The following TBCE variants were observed in gnomAD, a reference collection of about 807,000 sequenced individuals.
The protein encoded by TBCE is tubulin folding cofactor E.
In TBCE, 53 loss-of-function variants were observed where a neutral mutation model predicts 77.0. The observed-to-expected ratio is 0.69, with a 90% CI of 0.55 to 0.87. The LOEUF (loss-of-function observed/expected upper bound fraction) is 0.87, where lower values mean the gene tolerates loss of function less well. TBCE is among the 40% of genes least tolerant of loss of function. The pLI is 0.00. For synonymous variants in TBCE, 235 were observed against 241.3 expected, an observed-to-expected ratio of 0.97 and a Z score of 0.24; for missense variants, 624 against 622.4, an observed-to-expected ratio of 1.00 and a Z score of -0.03.
Position 235,441,826 on chromosome 1 carries a change from C to T in TBCE, c.1283C>T (p.Pro428Leu), listed in dbSNP as rs1681897952. Residue 428 changes from proline to leucine, a missense_variant, in exon 14 of 17, where the codon CCT becomes CTT. Pro to Leu is a moderately conservative substitution (Grantham distance 98, BLOSUM62 -3). Coordinates refer to ENST00000642610, the MANE Select transcript of TBCE (RefSeq NM_003193.5). Reference sequence around the variant, plus strand: ...CTTTCTTAAACAGAATATGGTGCACCTGAAGATTGGGAACTCAAAACACAG... The same window carrying T: ...CTTTCTTAAACAGAATATGGTGCACTTGAAGATTGGGAACTCAAAACACAG... ...YQFLCLKYGA[P>L]EDWELKTQQP... The T allele has an allele frequency of 8.1e-6, 13 of 1,613,832 alleles. No homozygotes were observed. Among genetic ancestry groups the T allele is most frequent in the Non-Finnish European group, 1.1e-5 (13 of 1,179,918 alleles).
At position 235,437,420 on chromosome 1, in the gene TBCE, G is replaced by T. The variant is rs769872412; in HGVS notation, c.1062G>T (p.Ala354=). ...LTKEDKEAET[A]RLLIIASIGQ... Reference sequence around the variant, plus strand: ...AAGAGGACAAAGAAGCAGAGACGGCGCGACTACTCATTATCGCCAGCATTG... The same window carrying T: ...AAGAGGACAAAGAAGCAGAGACGGCTCGACTACTCATTATCGCCAGCATTG... The change falls in exon 12 of 17, where the codon GCG becomes GCT. Residue 354 remains alanine, a synonymous_variant. Transcript: ENST00000642610. The T allele has an allele frequency of 8.1e-6, 13 of 1,614,140 alleles. No homozygotes were observed. Among genetic ancestry groups the T allele is most frequent in the Non-Finnish European group, 1.1e-5 (13 of 1,180,040 alleles).
chr1:235,424,003 C>G (rs193170712), intron 5 of TBCE, among the ~76,000 whole-genome samples: 8 of 152,322 alleles, frequency 5.3e-5, no homozygotes, highest in Admixed American at 5.2e-4. Context: ...TATTTCCTTT[C>G]TAACCAATGC....
At chr1:235,435,352 C>T (rs189311093) in intron 8 of TBCE, among the ~76,000 whole-genome samples, 4 of 152,244 alleles carry the variant, frequency 2.6e-5, no homozygotes, top group Admixed American at 2.0e-4. Context: ...CCACCCGCCT[C>T]GGCCTCCCGA....
chr1:235,419,940 C>A (rs957744387), intron 5 of TBCE, among the ~76,000 whole-genome samples: 1 of 152,150 alleles, frequency 6.6e-6, no homozygotes, highest in East Asian at 1.9e-4. Context: ...CAAAAATTAG[C>A]CGGGTGTGGT....
Position 235,451,996 on chromosome 1 carries a change from C to G in TBCE, c.*3234C>G, listed in dbSNP as rs750881055. ...TGAAGGATCCTTAGACTGCCACACT[C>G]AATCAGTGGATTCTGTCGTTCAGTT... On this transcript the variant is annotated 3_prime_UTR_variant, in exon 17 of 17. Transcript: ENST00000642610. 1.4e-5 allele frequency: 2 copies of G among 147,074 alleles called. No individual in the cohort carries two copies. Among genetic ancestry groups the G allele is most frequent in the Middle Eastern group, 3.4e-3 (1 of 292 alleles). 9.1% of individuals were successfully genotyped at this position (147,074 alleles called of 1,614,324 possible).
At chr1:235,402,937 T>G (rs1386898242) in intron 3 of TBCE, among the ~76,000 whole-genome samples, 1 of 152,132 alleles carries the variant, frequency 6.6e-6, no homozygotes, top group Non-Finnish European at 1.5e-5. Context: ...GCCCCACTTT[T>G]AACAGTCTTT....
chr1:235,441,650 T>C (rs1681884590), intron 13 of TBCE, 164 bp from the exon 14 acceptor site: 1 of 639,278 alleles, frequency 1.6e-6, no homozygotes, highest in South Asian at 1.8e-5. Flanking sequence ...AAGTGGTCGT[T>C]GTCCATCACT....
chr1:235,435,601 C>T, intron 8 of TBCE, 144 bp from the exon 9 acceptor site: 1 of 702,856 alleles, frequency 1.4e-6, no homozygotes, highest in South Asian at 1.6e-5. Context: ...CCACAGGGAC[C>T]ACTCAGGTTG....
Position 235,419,515 on chromosome 1 carries a change from A to G in TBCE, c.414A>G (p.Ala138=). 6.2e-7 allele frequency: 1 copy of G among 1,614,086 alleles called. No homozygotes were observed. The highest frequency in any genetic ancestry group is 1.6e-4 in the Middle Eastern group (1 of 6,062). ...AAGAAGTTTCTCTGAGGAACTGTGC[A>G]GTAAGTTGTGCTGGTGAAAAAGGAG... is the stretch of plus-strand genomic sequence containing the variant. ...KLQEVSLRNC[A]VSCAGEKGGV... is the part of the protein sequence containing the mutation. The change falls in exon 5 of 17, where the codon GCA becomes GCG. Residue 138 remains alanine, a synonymous_variant. Coordinates refer to ENST00000642610, the MANE Select transcript of TBCE (RefSeq NM_003193.5).
intron 15 of TBCE, among the ~76,000 whole-genome samples, 182 bp from the exon 16 acceptor site, chr1:235,448,167 T>G (rs557121253): frequency 7.3e-6 from 1 of 137,586 alleles, no homozygotes; most frequent in Non-Finnish European, 1.5e-5. Flanking sequence ...ACCATTGCAC[T>G]CCAGCCTGGG....
chr1:235,373,110 T>C (rs1383780786), intron 1 of TBCE, among the ~76,000 whole-genome samples: 1 of 151,954 alleles, frequency 6.6e-6, no homozygotes, highest in East Asian at 1.9e-4. Context: ...TCAGGAGGAT[T>C]GCTTGAGCCC....
chr1:235,380,142 C>G lies in TBCE; in HGVS notation c.93C>G (p.Pro31=), dbSNP rs1266066372. 1.9e-6 allele frequency: 3 copies of G among 1,609,174 alleles called. No individual in the cohort carries two copies. In the Admixed American group the frequency reaches 5.0e-5, roughly 27 times the overall value. The change falls in exon 2 of 17, where the codon CCC becomes CCG. Residue 31 remains proline (P), a synonymous_variant. Coordinates refer to ENST00000642610, the MANE Select transcript of TBCE (RefSeq NM_003193.5). ...TACGTTTTGCTGGTGTTGTCCCTCC[C>G]GTGGCAGGTAAGCAATTATTGTGTG... ...ATVRFAGVVP[P]VAGPWLGVEW... is the part of the protein sequence containing the mutation.
At chr1:235,390,506 C>T (rs1341038472) in intron 2 of TBCE, among the ~76,000 whole-genome samples, 2 of 152,150 alleles carry the variant, frequency 1.3e-5, no homozygotes, top group African/African-American at 4.8e-5. Flanking sequence ...AGTCCCAGCA[C>T]TTTGGGAGGC....
At chr1:235,441,938 CAGTT>C (rs549442591) in intron 14 of TBCE, 56 bp downstream of exon 14, 28 of 1,483,698 alleles carry the variant, frequency 1.9e-5, no homozygotes, top group South Asian at 1.6e-4. Context: ...GGTGCTGAAA[CAGTT>C]AGTGTGTTTC....
At chr1:235,393,531 GTC>G (rs1260120155) in intron 2 of TBCE, among the ~76,000 whole-genome samples, 3 of 151,926 alleles carry the variant, frequency 2.0e-5, no homozygotes, top group Non-Finnish European at 4.4e-5. Flanking sequence ...GAGTGAGACT[GTC>G]TAAAAAAAAT....
At position 235,448,944 on chromosome 1, in the gene TBCE, A is replaced by ATAAT. The variant is rs1486601080; in HGVS notation, c.*183_*186dup. 3 of 564,104 alleles carry ATAAT rather than the reference A, an allele frequency of 5.3e-6. No homozygotes were observed. Among genetic ancestry groups the ATAAT allele is most frequent in the Non-Finnish European group, 6.4e-6 (2 of 312,556 alleles). The allele number at this position is 564,104 out of a possible 1,614,324, so 34.9% of individuals were successfully genotyped here. On this transcript the variant is annotated 3_prime_UTR_variant, in exon 17 of 17. Transcript: ENST00000642610. ...ATTTCTAGGCTTATACATAATAGCA[A>ATAAT]TAATAAAGGCTTTGAACCTACTAAT...
chr1:235,409,031 A>G (rs6670257), intron 3 of TBCE, among the ~76,000 whole-genome samples: 20,264 of 143,680 alleles, frequency 0.14, 1,673 homozygotes, highest in African/African-American at 0.23. Flanking sequence ...TTTTTTTAGT[A>G]TAAGTATGAG....
chr1:235,400,226 C>T lies in TBCE; in HGVS notation c.101-1277C>T, dbSNP rs151002813. Among the ~76,000 whole-genome samples the T allele has an allele frequency of 1.6e-3, 236 of 152,094 alleles. 2 individuals are homozygous for T. The East Asian group carries it at 0.032, about 21-fold the overall frequency. The stretch of plus-strand genomic sequence containing the variant: ...CGATGTTTATTTTAAACCCGAAGAA[C>T]TGATATTATTACTTTACATTGTCTG... On this transcript the variant is annotated intron_variant, in intron 2 of 16. Transcript: ENST00000642610.
rs750726218 is a variant in TBCE at position 235,448,385 on chromosome 1, C to A, written c.1436C>A (p.Ser479Ter). 1 of 1,614,080 alleles carries A rather than the reference C, an allele frequency of 6.2e-7. No homozygotes were observed. Among genetic ancestry groups the A allele is most frequent in the East Asian group, 2.2e-5 (1 of 44,884 alleles). ...MTIQKVKGLL[S>*]RLLKVPVSDL... ...ATTCAAAAGGTGAAGGGATTGCTGT[C>A]ACGTCTTCTCAAAGTTCCTGTGTCA... Residue 479 changes from serine (S) to a stop codon, truncating the protein, a stop_gained, in exon 16 of 17, where the codon TCA (serine) becomes TAA (stop). Transcript: ENST00000642610. LOFTEE classifies it high-confidence loss of function.
Sources: gnomAD v4.1 joint callset for allele counts (sites outside exome capture counted in the v4.1 genomes callset) on GRCh38, gnomAD v4.1.1 for gene constraint, MANE v1.5 for transcripts, NCBI Gene and HGNC (gene_info 2026-07-23, HGNC 2026-07-21) for gene names.